C2CD3: variants seen among roughly 807,000 people sequenced by gnomAD.
C2CD3 encodes the protein C2 domain-containing protein 3.
In C2CD3, 148 loss-of-function variants were observed where a neutral mutation model predicts 234.0. The observed-to-expected ratio is 0.63, with a 90% CI of 0.55 to 0.72. The LOEUF (loss-of-function observed/expected upper bound fraction) is 0.72. C2CD3 is among the 30% of genes least tolerant of loss of function. C2CD3 has a pLI of 0.00. For missense variants in C2CD3, 2,577 were observed against 2,811.5 expected (o/e 0.92, Z 1.89); for synonymous variants, 1,000 against 1,035.4 (o/e 0.97, Z 0.66).
intron 3 of C2CD3, among the ~76,000 whole-genome samples, chr11:74,141,240 G>A (rs1423442534): frequency 6.6e-6 from 1 of 152,228 alleles, no homozygotes; most frequent in Admixed American, 6.5e-5. Context: ...GGGTCTTGAT[G>A]AGAATTCTGT....
In C2CD3 at chr11:74,034,153, T is replaced by C; in HGVS notation, c.6007A>G (p.Met2003Val). 13 of 1,536,212 alleles carry C rather than the reference T, an allele frequency of 8.5e-6. No individual in the cohort carries two copies. The highest frequency in any genetic ancestry group is 1.0e-5 in the Non-Finnish European group (12 of 1,146,896). The change falls in exon 31 of 33, where the codon ATG (methionine) becomes GTG (valine). Residue 2003 changes from methionine (M) to valine (V), a missense_variant. Transcript: ENST00000334126. ...GCTCTTACCAATGGCTCATCTGGCA[T>C]TGTGCATCGTTCTTGCAGTGCTTCT... ...DTEALQERCT[M>V]PDEPLVRAPD...
At chr11:74,148,387 T>C (rs1025650950) in intron 3 of C2CD3, among the ~76,000 whole-genome samples, 2 of 151,692 alleles carry the variant, frequency 1.3e-5, no homozygotes, top group Non-Finnish European at 2.9e-5. Flanking sequence ...TGTGTATATA[T>C]ACATAAATAT....
At chr11:74,083,171 G>A (rs893211758) in intron 22 of C2CD3, among the ~76,000 whole-genome samples, 1 of 152,116 alleles carries the variant, frequency 6.6e-6, no homozygotes, top group Non-Finnish European at 1.5e-5. Context: ...TGAGAAACCT[G>A]ACAAAAACAA....
chr11:74,132,551 G>T (rs1193946962), intron 7 of C2CD3, among the ~76,000 whole-genome samples: 1 of 152,160 alleles, frequency 6.6e-6, no homozygotes, highest in Non-Finnish European at 1.5e-5. Context: ...ATTTCCACTT[G>T]TATCTGTTTA....
chr11:74,041,583 C>T (rs538584279), intron 29 of C2CD3, among the ~76,000 whole-genome samples: 2 of 152,282 alleles, frequency 1.3e-5, no homozygotes, highest in South Asian at 2.1e-4. Context: ...GAAGCCATGT[C>T]CTTTCCACTG....
At chr11:74,086,892 T>C (rs1019524965) in intron 20 of C2CD3, among the ~76,000 whole-genome samples, 2 of 152,208 alleles carry the variant, frequency 1.3e-5, no homozygotes, top group African/African-American at 2.4e-5. Context: ...AAAACCTTAC[T>C]GTACTTCATA....
Position 74,033,248 on chromosome 11 carries a change from T to C in C2CD3, c.6809+103A>G, listed in dbSNP as rs556115503. 105 of 902,972 alleles carry C rather than the reference T, an allele frequency of 1.2e-4. 1 individual carries two copies. The African/African-American group carries it at 1.6e-3, about 14-fold the overall frequency. The allele number at this position is 902,972 out of a possible 1,614,324, so 55.9% of individuals were successfully genotyped here. ...GTCTTCTGAAGGAATGGTCTTTCCA[T>C]GCCCCCTAGTGCATTCCATGAGGGT... On this transcript the variant is annotated intron_variant, in intron 31 of 32. Coordinates refer to ENST00000334126, the MANE Select transcript of C2CD3 (RefSeq NM_001286577.2).
intron 32 of C2CD3, among the ~76,000 whole-genome samples, chr11:74,014,099 C>G (rs1156307484): frequency 1.3e-5 from 2 of 152,188 alleles, no homozygotes; most frequent in African/African-American, 4.8e-5. Flanking sequence ...CTAATTCCGC[C>G]TTTAAGGTAC....
Position 74,084,911 on chromosome 11 carries a change from G to T in C2CD3, c.3970C>A (p.Pro1324Thr). The T allele has an allele frequency of 6.2e-7, 1 of 1,611,616 alleles. No homozygotes were observed. The highest frequency in any genetic ancestry group is 8.5e-7 in the Non-Finnish European group (1 of 1,177,890). ...CTCTTGATCAGCAGCTCTTTTGTTG[G>T]AACTTTTACTACTCCAAGCAGATAC... Reference protein sequence around the residue: ...KEYLLGVVKVPTKELLIKRSG... With the variant: ...KEYLLGVVKVTTKELLIKRSG... The change falls in exon 22 of 33, where the codon CCA becomes ACA. Residue 1324 changes from proline (P) to threonine (T), a missense_variant. Physicochemically the swap from Pro to Thr is conservative, Grantham distance 38. Transcript: ENST00000334126.
At chr11:74,133,335 A>G (rs1957742003) in intron 6 of C2CD3, 90 bp downstream of exon 6, 4 of 1,154,610 alleles carry the variant, frequency 3.5e-6, no homozygotes, top group East Asian at 4.8e-5. Context: ...AAGCATTTCC[A>G]AGATTACCTA....
chr11:74,120,904 T>A (rs149622831), intron 8 of C2CD3, among the ~76,000 whole-genome samples: 30 of 152,146 alleles, frequency 2.0e-4, no homozygotes, highest in Admixed American at 5.2e-4. Context: ...ATGCCTGTAA[T>A]TTCAACCCTT....
chr11:74,064,754 C>T (rs564949942), intron 24 of C2CD3, among the ~76,000 whole-genome samples: 2 of 152,054 alleles, frequency 1.3e-5, no homozygotes, highest in African/African-American at 4.8e-5. Context: ...ATAGAGCCCT[C>T]GGAAATAATA....
intron 28 of C2CD3, among the ~76,000 whole-genome samples, chr11:74,044,223 C>T (rs959595728): frequency 5.3e-5 from 8 of 151,936 alleles, no homozygotes; most frequent in African/African-American, 7.2e-5. Context: ...TTTGGGAGGC[C>T]GAGGCAGGTG....
chr11:74,029,801 G>C (rs576779388), intron 31 of C2CD3, among the ~76,000 whole-genome samples: 3 of 152,324 alleles, frequency 2.0e-5, no homozygotes, highest in African/African-American at 7.2e-5. Context: ...CATTGTTCAG[G>C]CTGGAGTGCA....
intron 26 of C2CD3, among the ~76,000 whole-genome samples, chr11:74,051,301 G>GAA (rs796249357): frequency 4.7e-5 from 6 of 128,344 alleles, no homozygotes; most frequent in African/African-American, 8.5e-5. Context: ...TCTCAAAAAA[G>GAA]AAAAAAAAAA....
chr11:74,083,893 C>G (rs926577681), intron 22 of C2CD3, among the ~76,000 whole-genome samples: 1 of 152,142 alleles, frequency 6.6e-6, no homozygotes, highest in Non-Finnish European at 1.5e-5. Context: ...GGCGATTCCT[C>G]AAGGATCTAG....
rs747090151 is a variant in C2CD3, at chr11:74,042,223, CAAAAAA to C, written c.5496-11_5496-6del. ...TGGCTTCTTGTGGTATCACTTCTGT[CAAAAAA>C]AAAAAAAAAAAAAGTAGGAGCAAAA... On this transcript the variant is annotated splice_polypyrimidine_tract_variant and splice_region_variant and intron_variant, in intron 28 of 32. Coordinates refer to ENST00000334126, the MANE Select transcript of C2CD3 (RefSeq NM_001286577.2). The C allele has an allele frequency of 1.4e-4, 196 of 1,381,904 alleles. No individual in the cohort carries two copies. Among genetic ancestry groups the C allele is most frequent in the Admixed American group, 2.6e-4 (9 of 34,084 alleles). The allele number at this position is 1,381,904 out of a possible 1,614,324, so 85.6% of individuals were successfully genotyped here. A position where few individuals can be genotyped will look rare whatever the true frequency, so the allele number is the denominator to read the frequency against.
At chr11:74,106,303 T>A (rs1293271860) in intron 13 of C2CD3, 68 bp downstream of exon 13, 2 of 1,522,208 alleles carry the variant, frequency 1.3e-6, no homozygotes, top group Non-Finnish European at 1.8e-6. Context: ...CACTGCTATA[T>A]CCTCAGTGCC....
At chr11:74,159,905 A>G (rs759781790) in intron 3 of C2CD3, among the ~76,000 whole-genome samples, 14 of 152,054 alleles carry the variant, frequency 9.2e-5, no homozygotes, top group Non-Finnish European at 1.3e-4. Flanking sequence ...ATATAGGTAT[A>G]TATCTTTTAT....
Sources: allele counts gnomAD v4.1 joint callset (sites outside exome capture counted in the v4.1 genomes callset), GRCh38; gene constraint gnomAD v4.1.1; transcripts MANE v1.5; gene names NCBI Gene and HGNC (gene_info 2026-07-23, HGNC 2026-07-21).